Variants in RRP1B observed in about 807,000 individuals in gnomAD.
The protein encoded by RRP1B is ribosomal RNA processing protein 1 homolog B.
In RRP1B, 56 loss-of-function variants were observed where a neutral mutation model predicts 80.2. That is an observed-to-expected ratio of 0.70 (90% CI 0.56 to 0.87). RRP1B has a LOEUF of 0.87. Ranked by LOEUF, RRP1B falls within the 40% of genes least tolerant of loss-of-function variation. RRP1B has a pLI of 0.00. For missense variants in RRP1B, 807 were observed against 939.8 expected (o/e 0.86, Z 1.85); for synonymous variants, 351 against 357.6 (o/e 0.98, Z 0.21).
intron 1 of RRP1B, among the ~76,000 whole-genome samples, chr21:43,660,361 C>T (rs1273789924): frequency 1.3e-5 from 2 of 152,100 alleles, no homozygotes; most frequent in East Asian, 1.9e-4. Context: ...GTCGGGAGTT[C>T]GAGACCAGCC....
At chr21:43,660,075 A>G (rs1031586726) in intron 1 of RRP1B, among the ~76,000 whole-genome samples, 2 of 152,194 alleles carry the variant, frequency 1.3e-5, no homozygotes, top group Non-Finnish European at 2.9e-5. Flanking sequence ...GGCATCTCGA[A>G]TCACTGGGCT....
chr21:43,690,553 C>A, intron 14 of RRP1B, 113 bp downstream of exon 14: 1 of 1,238,524 alleles, frequency 8.1e-7, no homozygotes, highest in Non-Finnish European at 1.1e-6. Flanking sequence ...CCCTCTGAGC[C>A]TGTCCACAGT....
intron 4 of RRP1B, 73 bp from the exon 5 acceptor site, chr21:43,674,563 C>A: frequency 9.0e-7 from 1 of 1,109,178 alleles, no homozygotes; most frequent in Non-Finnish European, 1.3e-6. Context: ...TTCTGCTGAG[C>A]TGATTAATAT....
Position 43,676,648 on chromosome 21 carries a change from G to A in RRP1B, c.615-85G>A, listed in dbSNP as rs192179864. 3.9e-5 allele frequency: 49 copies of A among 1,270,646 alleles called. No individual in the cohort carries two copies. The East Asian group carries it at 9.6e-4, about 25-fold the overall frequency. The allele number at this position is 1,270,646 out of a possible 1,614,324, so 78.7% of individuals were successfully genotyped here. ...GCCACTCCAGACCACAGCAACGTGT[G>A]CAGGGCTTCCCTCTGTGCCCCTGAA... On this transcript the variant is annotated intron_variant, in intron 7 of 15. Transcript: ENST00000340648.
chr21:43,669,455 GTTGC>G (rs1005134800), intron 1 of RRP1B, among the ~76,000 whole-genome samples: 2 of 152,192 alleles, frequency 1.3e-5, no homozygotes, highest in African/African-American at 4.8e-5. Flanking sequence ...GGGGCTGCCC[GTTGC>G]TGGGGCTTCA....
At chr21:43,677,016 A>G in intron 8 of RRP1B, 102 bp downstream of exon 8, 1 of 1,160,800 alleles carries the variant, frequency 8.6e-7, no homozygotes. Context: ...AATGCAACCT[A>G]GAGTTGATGG....
intron 8 of RRP1B, among the ~76,000 whole-genome samples, chr21:43,681,689 C>T (rs2083044361): frequency 6.6e-6 from 1 of 152,252 alleles, no homozygotes; most frequent in South Asian, 2.1e-4. Flanking sequence ...CGGTGGCTCA[C>T]ACCTGTAATC....
chr21:43,674,915 T>G (rs1408424015), intron 5 of RRP1B, 119 bp from the exon 6 acceptor site: 21 of 1,348,690 alleles, frequency 1.6e-5, no homozygotes, highest in Admixed American at 2.2e-5. Flanking sequence ...TAAAATGATT[T>G]CAGCCTTGCA....
intron 8 of RRP1B, among the ~76,000 whole-genome samples, chr21:43,679,249 T>C (rs2083034300): frequency 6.6e-6 from 1 of 151,728 alleles, no homozygotes; most frequent in Admixed American, 6.6e-5. Flanking sequence ...TTTGGTGTTT[T>C]GGTGTTTTGG....
At chr21:43,673,849 A>G (rs776426802) in intron 3 of RRP1B, 21 bp from the exon 4 acceptor site, 2 of 1,577,906 alleles carry the variant, frequency 1.3e-6, no homozygotes. Flanking sequence ...CCAAGTATTT[A>G]GAGCCTTTTG....
At chr21:43,671,965 G>A (rs760191860) in intron 2 of RRP1B, among the ~76,000 whole-genome samples, 9 of 152,208 alleles carry the variant, frequency 5.9e-5, no homozygotes, top group Non-Finnish European at 1.3e-4. Context: ...AGGATTACAG[G>A]CATGAGCCAC....
intron 5 of RRP1B, 104 bp downstream of exon 5, chr21:43,674,801 A>G (rs767221782): frequency 4.6e-5 from 51 of 1,097,612 alleles, no homozygotes; most frequent in Non-Finnish European, 5.8e-5. Context: ...AGCTCGATAC[A>G]TCGTTACCTA....
Position 43,678,776 on chromosome 21 carries a change from A to G in RRP1B, c.796+1862A>G, listed in dbSNP as rs180844589. On this transcript the variant is annotated intron_variant, in intron 8 of 15. Coordinates refer to ENST00000340648, the MANE Select transcript of RRP1B (RefSeq NM_015056.3). ...GTGCAGAAGCTTTTTAGTTTAATTA[A>G]GTCACAGCTGTTTCTGTTTTCATTG... Among the ~76,000 whole-genome samples the G allele has an allele frequency of 3.3e-5, 5 of 152,218 alleles. No individual in the cohort carries two copies. In the East Asian group the frequency reaches 7.7e-4, roughly 23 times the overall value.
At chr21:43,668,524 T>A (rs931564714) in intron 1 of RRP1B, among the ~76,000 whole-genome samples, 1 of 151,824 alleles carries the variant, frequency 6.6e-6, no homozygotes, top group Admixed American at 6.6e-5. Context: ...CCCGCCACCA[T>A]ACCCGGCTAA....
chr21:43,675,804 C>T (rs1030976467), intron 6 of RRP1B, among the ~76,000 whole-genome samples: 4 of 152,018 alleles, frequency 2.6e-5, no homozygotes, highest in African/African-American at 4.8e-5. Flanking sequence ...TGGCCCAACA[C>T]AAATTTATAA....
chr21:43,670,831 A>T (rs1210221575), intron 2 of RRP1B, among the ~76,000 whole-genome samples: 2 of 152,338 alleles, frequency 1.3e-5, no homozygotes, highest in East Asian at 3.9e-4. Context: ...TCTCTGATGC[A>T]GATGACAGGT....
intron 6 of RRP1B, 53 bp downstream of exon 6, chr21:43,675,216 C>T: frequency 6.3e-7 from 1 of 1,580,112 alleles, no homozygotes; most frequent in Non-Finnish European, 8.6e-7. Context: ...CCAGTGTTCG[C>T]AGTAGTCGCC....
chr21:43,675,219 T>C, intron 6 of RRP1B, 56 bp downstream of exon 6: 1 of 1,580,524 alleles, frequency 6.3e-7, no homozygotes, highest in South Asian at 1.1e-5. Flanking sequence ...GTGTTCGCAG[T>C]AGTCGCCAGT....
Position 43,691,881 on chromosome 21 carries a change from A to C in RRP1B, c.2083+379A>C, listed in dbSNP as rs2083088311. 6.6e-6 allele frequency among the ~76,000 whole-genome samples: 1 copy of C among 151,930 alleles called. No homozygotes were observed. Among genetic ancestry groups the C allele is most frequent in the Admixed American group, 6.6e-5 (1 of 15,238 alleles). On this transcript the variant is annotated intron_variant, in intron 15 of 15. Transcript: ENST00000340648. This position sits in a 1 kb window ranked among gnomAD's most constrained non-coding sequence, Gnocchi z 4.2. Reference sequence around the variant, plus strand: ...AGGCTGGTCTCAAACTCCTGACCTCAGGTGATCTGCCTGCCTCGGCCTCCC... The same window carrying C: ...AGGCTGGTCTCAAACTCCTGACCTCCGGTGATCTGCCTGCCTCGGCCTCCC...
Sources: gnomAD v4.1 joint callset for allele counts (sites outside exome capture counted in the v4.1 genomes callset) on GRCh38, gnomAD v4.1.1 for gene constraint, Gnocchi (gnomAD v3.1) non-coding constraint, MANE v1.5 for transcripts, NCBI Gene and HGNC (gene_info 2026-07-23, HGNC 2026-07-21) for gene names.